The following WDR27 variants were observed in gnomAD, a reference collection of about 807,000 sequenced individuals.
WDR27 encodes the protein WD repeat domain 27.
A neutral mutation model predicts 114.4 loss-of-function variants in WDR27; 100 were observed. The ratio of observed to expected loss-of-function variants is 0.87; its 90% CI spans 0.74 to 1.03. The LOEUF is 1.03. WDR27 is among the 50% of genes least tolerant of loss of function. WDR27 has a pLI of 0.00. For missense variants in WDR27, 1,129 were observed against 1,092.9 expected (o/e 1.03, Z -0.47); for synonymous variants, 449 against 423.1 (o/e 1.06, Z -0.75).
At chr6:169,572,134 A>G (rs1295281761) in intron 25 of WDR27, among the ~76,000 whole-genome samples, 1 of 152,364 alleles carries the variant, frequency 6.6e-6, no homozygotes, top group Middle Eastern at 3.4e-3. Flanking sequence ...CATATAGTGT[A>G]AATACAAAGA....
At chr6:169,459,531 ATG>A (rs58393881) in intron 25 of WDR27, among the ~76,000 whole-genome samples, 1 of 151,678 alleles carries the variant, frequency 6.6e-6, no homozygotes, top group African/African-American at 2.4e-5. Flanking sequence ...ATGGCTATAA[ATG>A]TATATATATA....
At chr6:169,598,438 C>T (rs1190133509) in intron 23 of WDR27, among the ~76,000 whole-genome samples, 1 of 152,162 alleles carries the variant, frequency 6.6e-6, no homozygotes, top group East Asian at 1.9e-4. Flanking sequence ...ACAAACTCAC[C>T]CTTTGTAAGG....
intron 21 of WDR27, among the ~76,000 whole-genome samples, chr6:169,617,778 C>G (rs1046886778): frequency 2.0e-5 from 3 of 152,180 alleles, no homozygotes; most frequent in African/African-American, 7.2e-5. Flanking sequence ...AAAGATGGAG[C>G]CACCATTTTG....
intron 23 of WDR27, among the ~76,000 whole-genome samples, chr6:169,592,265 G>C (rs995295937): frequency 2.0e-5 from 3 of 151,798 alleles, no homozygotes; most frequent in African/African-American, 7.3e-5. Context: ...GTTGTTGGGG[G>C]AGTGTTAAAT....
chr6:169,517,983 G>C (rs1053992976), intron 25 of WDR27, among the ~76,000 whole-genome samples: 1 of 152,178 alleles, frequency 6.6e-6, no homozygotes, highest in Non-Finnish European at 1.5e-5. Flanking sequence ...ACCCAGCAAG[G>C]CAGTCATTAA....
intron 10 of WDR27, 115 bp downstream of exon 10, chr6:169,660,548 G>T: frequency 1.2e-6 from 1 of 832,840 alleles, no homozygotes; most frequent in Non-Finnish European, 2.0e-6. Context: ...TGTGACTGAA[G>T]CATCTCATCC....
intron 10 of WDR27, among the ~76,000 whole-genome samples, chr6:169,660,039 TGCCCGGGAGGCC>T (rs1278870313): frequency 1.3e-5 from 2 of 151,090 alleles, no homozygotes; most frequent in Non-Finnish European, 3.0e-5. Context: ...AGAGGAGCAG[TGCCCGGGAGGCC>T]GCCGAGGAGG....
chr6:169,533,563 T>C (rs184756926), intron 25 of WDR27, among the ~76,000 whole-genome samples: 5 of 152,294 alleles, frequency 3.3e-5, no homozygotes. Context: ...ATCTATTCCC[T>C]GTGCTCAGAA....
At chr6:169,551,158 G>A (rs973497296) in intron 25 of WDR27, among the ~76,000 whole-genome samples, 6 of 152,200 alleles carry the variant, frequency 3.9e-5, no homozygotes, top group Non-Finnish European at 5.9e-5. Context: ...TTGGAAAGGT[G>A]AATGAGTCCC....
In WDR27 at chr6:169,602,314, G is replaced by A. The variant is rs753422220; in HGVS notation, c.2329C>T (p.Arg777Cys). The change falls in exon 23 of 26, where the codon CGC becomes TGC. Residue 777 changes from arginine (R) to cysteine (C), a missense_variant. Coordinates refer to ENST00000448612, the MANE Select transcript of WDR27 (RefSeq NM_182552.5). Reference protein sequence around the residue: ...LWDLRTLRCERHFEGHPTRGY... With the variant: ...LWDLRTLRCECHFEGHPTRGY... The stretch of plus-strand genomic sequence containing the variant: ...CGGGTTGGATGCCCTTCAAAGTGGC[G>A]CTCACACCTACAGGGAGGAAAGAAA... 41 of 1,545,690 alleles carry A rather than the reference G, an allele frequency of 2.7e-5. No individual in the cohort carries two copies. Among genetic ancestry groups the A allele is most frequent in the South Asian group, 2.3e-4 (19 of 83,306 alleles).
intron 2 of WDR27, among the ~76,000 whole-genome samples, chr6:169,673,268 C>T (rs1156234434): frequency 6.6e-6 from 1 of 151,892 alleles, no homozygotes; most frequent in African/African-American, 2.4e-5. Context: ...GCTTATAAGG[C>T]GATGTTAAAT....
Position 169,668,102 on chromosome 6 carries a change from G to C in WDR27, c.540C>G (p.Phe180Leu). ...CGGCCCGAACAGCCTGAGTCTGAGA[G>C]AATGTGTGCAGGAAGGTCGGTGGTG... ...KVPPPTFLHT[F>L]SQTQAVRAEL... Residue 180 changes from phenylalanine to leucine, a missense_variant, in exon 5 of 26, where the codon TTC (phenylalanine) becomes TTG (leucine). Phe to Leu is a conservative substitution (Grantham distance 22). Coordinates refer to ENST00000448612, the MANE Select transcript of WDR27 (RefSeq NM_182552.5). 2 of 1,614,070 alleles carry C rather than the reference G, an allele frequency of 1.2e-6. No homozygotes were observed. Among genetic ancestry groups the C allele is most frequent in the Middle Eastern group, 1.6e-4 (1 of 6,062 alleles).
In WDR27 at chr6:169,581,563, C is replaced by T. The variant is rs150087775; in HGVS notation, c.2523+1273G>A. Among the ~76,000 whole-genome samples the T allele has an allele frequency of 5.1e-3, 776 of 152,210 alleles. 5 individuals are homozygous for T. The highest frequency in any genetic ancestry group is 0.018 in the African/African-American group (739 of 41,506). On this transcript the variant is annotated intron_variant, in intron 24 of 25. Coordinates refer to ENST00000448612, the MANE Select transcript of WDR27 (RefSeq NM_182552.5). ...AGTGAAGCATCATCAGGACGTATGT[C>T]GCAGTATTATTTATAATAGGGAAGG...
chr6:169,502,580 TC>T (rs1033372343), intron 25 of WDR27, among the ~76,000 whole-genome samples: 1 of 152,136 alleles, frequency 6.6e-6, no homozygotes, highest in African/African-American at 2.4e-5. Flanking sequence ...TCCGTGTCTT[TC>T]CCAGCTTCCC....
At chr6:169,580,968 T>TAA (rs1803300064) in intron 24 of WDR27, among the ~76,000 whole-genome samples, 13 of 147,592 alleles carry the variant, frequency 8.8e-5, no homozygotes, top group South Asian at 4.2e-4. Flanking sequence ...TATATATATA[T>TAA]AAATTCGGTA....
chr6:169,621,452 G>GCA (rs1169956308), intron 21 of WDR27, among the ~76,000 whole-genome samples: 3 of 150,044 alleles, frequency 2.0e-5, no homozygotes, highest in Non-Finnish European at 4.4e-5. Context: ...ATGCACACAT[G>GCA]CACACACACA....
chr6:169,623,813 T>C (rs925027774), intron 21 of WDR27, among the ~76,000 whole-genome samples: 2 of 152,190 alleles, frequency 1.3e-5, no homozygotes, highest in Non-Finnish European at 2.9e-5. Flanking sequence ...CATTGAAAAC[T>C]CCTCCCAACG....
chr6:169,660,476 G>A (rs1165315535), intron 10 of WDR27, among the ~76,000 whole-genome samples, 187 bp downstream of exon 10: 3 of 152,252 alleles, frequency 2.0e-5, no homozygotes, highest in Admixed American at 6.5e-5. Context: ...CCGAGGGTCC[G>A]GGAAGGGCCC....
Position 169,672,247 on chromosome 6 carries a change from T to A in WDR27, c.331+8A>T, listed in dbSNP as rs780386688. On this transcript the variant is annotated splice_region_variant and intron_variant, in intron 3 of 25. Coordinates refer to ENST00000448612, the MANE Select transcript of WDR27 (RefSeq NM_182552.5). ...GTTTTTAAAAACATGTTTTAGATTT[T>A]CATTTACCTTGAAGTACTTTCTCTC... The A allele has an allele frequency of 1.8e-5, 29 of 1,611,474 alleles. No individual in the cohort carries two copies. The highest frequency in any genetic ancestry group is 2.4e-5 in the Non-Finnish European group (28 of 1,178,942).
Sources: gnomAD v4.1 joint callset for allele counts (sites outside exome capture counted in the v4.1 genomes callset) on GRCh38, gnomAD v4.1.1 for gene constraint, MANE v1.5 for transcripts, NCBI Gene and HGNC (gene_info 2026-07-23, HGNC 2026-07-21) for gene names.